CERS6: variants seen among roughly 807,000 people sequenced by gnomAD.
The protein encoded by CERS6 is ceramide synthase 6, also known as LAG1 homolog, ceramide synthase 6.
Under a neutral mutation model 56.8 loss-of-function variants are expected in CERS6, and 26 were observed. That is an observed-to-expected ratio of 0.46 (90% CI 0.34 to 0.63). The LOEUF (loss-of-function observed/expected upper bound fraction) is 0.63, where lower values mean the gene tolerates loss of function less well. Among genes scored for constraint, CERS6 ranks in the 30% least tolerant of loss-of-function variants. The pLI, the probability that CERS6 is intolerant of heterozygous loss-of-function variation, is 0.01. For missense variants in CERS6, 415 were observed against 467.5 expected (o/e 0.89, Z 1.04); for synonymous variants, 164 against 173.3 (o/e 0.95, Z 0.42).
At chr2:168,566,422 T>C (rs1187084566) in intron 3 of CERS6, among the ~76,000 whole-genome samples, 1 of 152,176 alleles carries the variant, frequency 6.6e-6, no homozygotes, top group Non-Finnish European at 1.5e-5. Context: ...AGCAGACTCA[T>C]CAAAACCTGG....
intron 1 of CERS6, among the ~76,000 whole-genome samples, chr2:168,502,521 C>G (rs1694601183): frequency 6.6e-6 from 1 of 152,090 alleles, no homozygotes. Flanking sequence ...TTTGTCTTGT[C>G]AAGGGAAGGT....
At chr2:168,491,000 G>C (rs1209377404) in intron 1 of CERS6, among the ~76,000 whole-genome samples, 4 of 152,124 alleles carry the variant, frequency 2.6e-5, no homozygotes, top group African/African-American at 7.2e-5. Context: ...TGGGGAGGCA[G>C]GTAACATTTT....
At chr2:168,737,975 T>C (rs1248958725) in intron 8 of CERS6, among the ~76,000 whole-genome samples, 3 of 152,214 alleles carry the variant, frequency 2.0e-5, no homozygotes, top group African/African-American at 4.8e-5. Context: ...TCTGTACATA[T>C]ATATAGAGAG....
At chr2:168,571,277 C>T (rs1695981186) in intron 3 of CERS6, among the ~76,000 whole-genome samples, 1 of 151,922 alleles carries the variant, frequency 6.6e-6, no homozygotes, top group South Asian at 2.1e-4. Context: ...TTGATTTCCT[C>T]CTGGCTATTC....
chr2:168,540,176 G>C (rs1695341214), intron 1 of CERS6, among the ~76,000 whole-genome samples: 1 of 151,334 alleles, frequency 6.6e-6, no homozygotes, highest in Non-Finnish European at 1.5e-5. Context: ...TCCGCTTCCA[G>C]TATAGTCATG....
intron 8 of CERS6, among the ~76,000 whole-genome samples, chr2:168,727,001 T>G (rs1328925141): frequency 6.6e-6 from 1 of 152,174 alleles, no homozygotes; most frequent in Non-Finnish European, 1.5e-5. Flanking sequence ...AAATCCCAAG[T>G]GAATGGGCAT....
chr2:168,471,777 G>T (rs1693982030), intron 1 of CERS6, among the ~76,000 whole-genome samples: 1 of 152,186 alleles, frequency 6.6e-6, no homozygotes, highest in East Asian at 1.9e-4. Flanking sequence ...GCGCTTAGCT[G>T]CTAGAAACTT....
intron 4 of CERS6, among the ~76,000 whole-genome samples, chr2:168,672,776 A>G (rs1038557590): frequency 5.9e-5 from 9 of 152,332 alleles, no homozygotes; most frequent in South Asian, 2.1e-4. Context: ...ACATAGTTCA[A>G]TTGCATTAAT....
intron 3 of CERS6, among the ~76,000 whole-genome samples, chr2:168,564,085 G>A (rs1309074848): frequency 6.6e-6 from 1 of 152,088 alleles, no homozygotes; most frequent in African/African-American, 2.4e-5. Flanking sequence ...GGTCTTTAAT[G>A]TGTTAATGAC....
At chr2:168,754,248 T>C (rs1574222366) in intron 8 of CERS6, among the ~76,000 whole-genome samples, 1 of 152,210 alleles carries the variant, frequency 6.6e-6, no homozygotes, top group African/African-American at 2.4e-5. Flanking sequence ...CTCCTTAGCA[T>C]AGGACCCACC....
rs983691964 is a variant in CERS6 at position 168,535,207 on chromosome 2, G to C, written c.171-12389G>C. Among the ~76,000 whole-genome samples the C allele has an allele frequency of 3.9e-5, 6 of 152,242 alleles. No homozygotes were observed. In the South Asian group the frequency reaches 1.0e-3, roughly 26 times the overall value. On this transcript the variant is annotated intron_variant, in intron 1 of 9. Coordinates refer to ENST00000305747, the MANE Select transcript of CERS6 (RefSeq NM_203463.3). ...TTAAGGAGCTCATATGGCTTAGACAGCAGGCAGCCGCAGCTGTGGTGCTGG... is the reference window on the plus strand; with the variant it reads ...TTAAGGAGCTCATATGGCTTAGACACCAGGCAGCCGCAGCTGTGGTGCTGG...
At chr2:168,554,475 G>A (rs944451579) in intron 2 of CERS6, among the ~76,000 whole-genome samples, 7 of 152,066 alleles carry the variant, frequency 4.6e-5, no homozygotes, top group Admixed American at 4.6e-4. Flanking sequence ...ATATACAAAC[G>A]GGACAATTGG....
chr2:168,769,531 G>A lies in CERS6; in HGVS notation c.1024G>A (p.Asp342Asn), dbSNP rs147015284. The A allele has an allele frequency of 3.1e-6, 5 of 1,604,120 alleles. No individual in the cohort carries two copies. Among genetic ancestry groups the A allele is most frequent in the Non-Finnish European group, 4.2e-6 (5 of 1,177,124 alleles). Reference sequence around the variant, plus strand: ...ACAGGTGTCCAAGGATGATCGAAGTGATATTGAGTCTAGCTCAGATGAGGA... The same window carrying A: ...ACAGGTGTCCAAGGATGATCGAAGTAATATTGAGTCTAGCTCAGATGAGGA... ...RGKVSKDDRS[D>N]IESSSDEEDS... The change falls in exon 10 of 10, where the codon GAT becomes AAT. Residue 342 changes from aspartate to asparagine, a missense_variant. By Grantham distance (23) the Asp-to-Asn change is conservative. Coordinates refer to ENST00000305747, the MANE Select transcript of CERS6 (RefSeq NM_203463.3).
chr2:168,578,782 C>T (rs1405890568), intron 3 of CERS6, among the ~76,000 whole-genome samples: 2 of 151,990 alleles, frequency 1.3e-5, no homozygotes, highest in East Asian at 1.9e-4. Context: ...AAATAAAAAC[C>T]GTAAGGGATG....
intron 4 of CERS6, among the ~76,000 whole-genome samples, chr2:168,651,348 A>T (rs545071971): frequency 3.9e-5 from 6 of 152,182 alleles, no homozygotes; most frequent in Non-Finnish European, 7.3e-5. Flanking sequence ...ATTTATGTTC[A>T]TGTTAACTGT....
chr2:168,745,171 T>G (rs1236241368), intron 8 of CERS6, among the ~76,000 whole-genome samples: 3 of 152,246 alleles, frequency 2.0e-5, no homozygotes, highest in African/African-American at 7.2e-5. Flanking sequence ...AGTTGATTTT[T>G]GAATCATCTC....
intron 1 of CERS6, among the ~76,000 whole-genome samples, chr2:168,517,498 T>A (rs770622858): frequency 3.6e-4 from 48 of 135,206 alleles, no homozygotes; most frequent in Non-Finnish European, 6.0e-4. Flanking sequence ...CCTCAAAAAA[T>A]AAATAAATAA....
intron 1 of CERS6, among the ~76,000 whole-genome samples, chr2:168,473,810 A>G (rs926515170): frequency 6.6e-6 from 1 of 152,186 alleles, no homozygotes; most frequent in Non-Finnish European, 1.5e-5. Flanking sequence ...TGATGTGTCC[A>G]GTATTAGTAG....
At chr2:168,610,685 C>A (rs1182747176) in intron 3 of CERS6, among the ~76,000 whole-genome samples, 1 of 152,108 alleles carries the variant, frequency 6.6e-6, no homozygotes, top group African/African-American at 2.4e-5. Context: ...GAAGAGTAGA[C>A]CATCCCACCC....
Sources: allele counts gnomAD v4.1 joint callset (sites outside exome capture counted in the v4.1 genomes callset), GRCh38; gene constraint gnomAD v4.1.1; transcripts MANE v1.5; gene names NCBI Gene and HGNC (gene_info 2026-07-23, HGNC 2026-07-21).